FANCB: variants seen among roughly 807,000 people sequenced by gnomAD.
FANCB encodes the protein Fanconi anemia group B protein.
In FANCB, 5 loss-of-function variants were observed where a neutral mutation model predicts 38.9. That is an observed-to-expected ratio of 0.13 (90% CI 0.07 to 0.27). FANCB has a LOEUF of 0.27. Ranked by LOEUF, FANCB falls within the 10% of genes least tolerant of loss-of-function variation. FANCB has a pLI of 1.00. For missense variants in FANCB, 573 were observed against 602.7 expected (o/e 0.95, Z 0.52); for synonymous variants, 236 against 215.4 (o/e 1.10, Z -0.84).
At chrX:14,778,204 C>A in the FANCB span, among the ~76,000 whole-genome samples, 1 of 111,893 alleles carries the variant, frequency 8.9e-6, no homozygotes, top group African/African-American at 3.2e-5. Flanking sequence ...CTGGAGATTT[C>A]TTTAGTCCAG....
At chrX:14,823,301 C>A in the FANCB span, among the ~76,000 whole-genome samples, 1 of 110,371 alleles carries the variant, frequency 9.1e-6, no homozygotes, top group Non-Finnish European at 1.9e-5. Context: ...CCAGGATGGT[C>A]TCAATCCCTT....
chrX:14,713,406 G>A, the FANCB span, among the ~76,000 whole-genome samples: 2 of 112,100 alleles, frequency 1.8e-5, no homozygotes, highest in Non-Finnish European at 3.8e-5. Flanking sequence ...AGAAACTGCT[G>A]TGAAAGAATT....
the FANCB span, among the ~76,000 whole-genome samples, chrX:14,830,689 A>C: frequency 9.0e-6 from 1 of 111,538 alleles, no homozygotes; most frequent in Non-Finnish European, 1.9e-5. Flanking sequence ...CCTGCCTCCA[A>C]ACAGCTGACA....
chrX:14,852,998 C>G (rs780391447), intron 6 of FANCB, 41 bp downstream of exon 6: 3 of 1,140,593 alleles, frequency 2.6e-6, no homozygotes, highest in East Asian at 3.0e-5. Context: ...TATAGATTTT[C>G]AATTCATAAA....
At chrX:14,767,778 G>C in the FANCB span, among the ~76,000 whole-genome samples, 2 of 112,117 alleles carry the variant, frequency 1.8e-5, no homozygotes, top group East Asian at 5.6e-4. Context: ...GTCCTGAATG[G>C]TATTGCCTAG....
chrX:14,768,387 G>A, the FANCB span, among the ~76,000 whole-genome samples: 11 of 111,321 alleles, frequency 9.9e-5, no homozygotes, highest in East Asian at 2.0e-3. Flanking sequence ...TCCCTTGCTA[G>A]CTGTATTCAT....
the FANCB span, among the ~76,000 whole-genome samples, chrX:14,781,467 T>A: frequency 9.0e-6 from 1 of 111,283 alleles, no homozygotes; most frequent in African/African-American, 3.3e-5. Flanking sequence ...AAATATTTCT[T>A]TTAAAAAAAA....
the FANCB span, among the ~76,000 whole-genome samples, chrX:14,778,862 A>G: frequency 4.4e-5 from 5 of 112,412 alleles, no homozygotes; most frequent in African/African-American, 6.5e-5. Flanking sequence ...TGTGATAGAA[A>G]TTGAGATTTC....
At chrX:14,782,625 G>A in the FANCB span, among the ~76,000 whole-genome samples, 1 of 111,580 alleles carries the variant, frequency 9.0e-6, no homozygotes, top group South Asian at 3.8e-4. Flanking sequence ...GCCTAAATCC[G>A]AGAGGATATG....
At chrX:14,741,177 A>C in the FANCB span, among the ~76,000 whole-genome samples, 1 of 111,857 alleles carries the variant, frequency 8.9e-6, no homozygotes, top group East Asian at 2.8e-4. Context: ...GATAGAACTA[A>C]GGAACCTAGT....
chrX:14,734,283 C>A, the FANCB span, among the ~76,000 whole-genome samples: 1 of 111,898 alleles, frequency 8.9e-6, no homozygotes, highest in Non-Finnish European at 1.9e-5. Flanking sequence ...CAAAATGAAA[C>A]TTAAGGGTAA....
chrX:14,713,934 A>T, the FANCB span, among the ~76,000 whole-genome samples: 1 of 111,494 alleles, frequency 9.0e-6, no homozygotes, highest in East Asian at 2.8e-4. Flanking sequence ...TATTGTTGGG[A>T]GGACAGGTCT....
the FANCB span, among the ~76,000 whole-genome samples, chrX:14,736,829 T>A: frequency 1.8e-5 from 2 of 111,915 alleles, no homozygotes; most frequent in African/African-American, 6.5e-5. Flanking sequence ...AATATGTTTT[T>A]CTCGTTGTAG....
the FANCB span, among the ~76,000 whole-genome samples, chrX:14,693,009 T>C: frequency 9.2e-6 from 1 of 108,748 alleles, no homozygotes; most frequent in African/African-American, 3.4e-5. Context: ...AACCTGCACA[T>C]TGTGCACATG....
Position 14,844,843 on chromosome X carries a change from C to T in FANCB, c.1927+13G>A, listed in dbSNP as rs1324373525. On this transcript the variant is annotated intron_variant, in intron 8 of 9. Transcript: ENST00000650831. ...CAATTAAATATATAATCTAAAAGTG[C>T]CAACAAAATTACCTATAGGTTTCTT... 8.4e-7 allele frequency: 1 copy of T among 1,192,414 alleles called. No individual in the cohort carries two copies. Among genetic ancestry groups the T allele is most frequent in the South Asian group, 1.8e-5 (1 of 55,515 alleles).
At chrX:14,858,497 T>C (rs2092432868) in intron 4 of FANCB, among the ~76,000 whole-genome samples, 1 of 111,752 alleles carries the variant, frequency 8.9e-6, no homozygotes, top group Non-Finnish European at 1.9e-5. Flanking sequence ...CCACCTAACA[T>C]TTATATACTG....
chrX:14,829,884 G>A, the FANCB span, among the ~76,000 whole-genome samples: 8 of 112,317 alleles, frequency 7.1e-5, no homozygotes, highest in South Asian at 7.4e-4. Flanking sequence ...TTTCAAGAAC[G>A]TTTCCCTTGC....
At position 14,853,278 on chromosome X, in the gene FANCB, T is replaced by C. The variant is rs758195900; in HGVS notation, c.1198-111A>G. ...AAATGTGCTTATCAATTCATTTTTC[T>C]ATAGAAAATAAAATACTTCTCAGAG... On this transcript the variant is annotated intron_variant, in intron 5 of 9. Transcript: ENST00000650831. 2.4e-5 allele frequency: 17 copies of C among 710,727 alleles called. No individual in the cohort carries two copies. The South Asian group carries it at 3.8e-4, about 16-fold the overall frequency. The allele number at this position is 710,727 out of a possible 1,213,427, so 58.6% of individuals were successfully genotyped here.
the FANCB span, among the ~76,000 whole-genome samples, chrX:14,751,550 G>A: frequency 9.0e-6 from 1 of 111,439 alleles, no homozygotes; most frequent in East Asian, 2.8e-4. Flanking sequence ...TTTGGATAGG[G>A]GTGTTAATTA....
Sources: gnomAD v4.1 joint callset for allele counts (sites outside exome capture counted in the v4.1 genomes callset) on GRCh38, gnomAD v4.1.1 for gene constraint, MANE v1.5 for transcripts, NCBI Gene and HGNC (gene_info 2026-07-23, HGNC 2026-07-21) for gene names.